Variants in MYO6 observed in about 807,000 individuals in gnomAD.
The protein encoded by MYO6 is myosin VI.
MYO6 carries 74 observed loss-of-function variants against 178.7 expected under a neutral mutation model. That is an observed-to-expected ratio of 0.41 (90% CI 0.34 to 0.50). MYO6 has a LOEUF of 0.50. Ranked by LOEUF, MYO6 falls within the 20% of genes least tolerant of loss-of-function variation. The pLI, the probability that MYO6 is intolerant of heterozygous loss-of-function variation, is 0.09. For missense variants in MYO6, 1,330 were observed against 1,547.4 expected, an observed-to-expected ratio of 0.86 and a Z score of 2.36; for synonymous variants, 477 against 504.6, an observed-to-expected ratio of 0.95 and a Z score of 0.73.
intron 1 of MYO6, among the ~76,000 whole-genome samples, chr6:75,802,271 C>T: frequency 6.6e-6 from 1 of 151,790 alleles, no homozygotes; most frequent in East Asian, 2.0e-4. Flanking sequence ...GAGTTTCAGT[C>T]CAGCCTGGCC....
intron 1 of MYO6, among the ~76,000 whole-genome samples, chr6:75,815,507 A>G (rs1425665025): frequency 6.6e-6 from 1 of 152,214 alleles, no homozygotes; most frequent in East Asian, 1.9e-4. Context: ...ATGGGACTAG[A>G]TATGATTAGG....
intron 18 of MYO6, among the ~76,000 whole-genome samples, chr6:75,869,994 ATC>A (rs959787085): frequency 2.0e-5 from 3 of 151,794 alleles, no homozygotes; most frequent in Non-Finnish European, 4.4e-5. Flanking sequence ...GGCGCCTGTA[ATC>A]CCAGCTACTC....
At chr6:75,763,173 C>G (rs1201696215) in intron 1 of MYO6, among the ~76,000 whole-genome samples, 3 of 151,908 alleles carry the variant, frequency 2.0e-5, no homozygotes. Context: ...ATTACAGGCA[C>G]CTGCCACGCC....
intron 9 of MYO6, among the ~76,000 whole-genome samples, chr6:75,844,121 T>G (rs1366634009): frequency 6.6e-6 from 1 of 152,184 alleles, no homozygotes; most frequent in Non-Finnish European, 1.5e-5. Context: ...TAGTCTACCG[T>G]ATAGCAAATA....
chr6:75,761,624 C>G (rs995178349), intron 1 of MYO6, among the ~76,000 whole-genome samples: 22 of 150,954 alleles, frequency 1.5e-4, no homozygotes, highest in African/African-American at 5.4e-4. Context: ...CACACACACA[C>G]ACAGACACAT....
At chr6:75,872,018 A>G (rs910990932) in intron 19 of MYO6, among the ~76,000 whole-genome samples, 2 of 152,088 alleles carry the variant, frequency 1.3e-5, no homozygotes, top group Admixed American at 6.5e-5. Context: ...AATCCTAGCT[A>G]CTTGGGAGGC....
intron 13 of MYO6, among the ~76,000 whole-genome samples, chr6:75,858,680 C>T (rs1775939386): frequency 6.6e-6 from 1 of 152,128 alleles, no homozygotes. Flanking sequence ...ATTTGAGAAA[C>T]ACCTTATTTG....
At chr6:75,885,961 A>C (rs767667482) in intron 23 of MYO6, 43 bp from the exon 24 acceptor site, 2 of 1,213,030 alleles carry the variant, frequency 1.6e-6, no homozygotes, top group East Asian at 4.9e-5. Flanking sequence ...GTTAGATTTA[A>C]ACTGAATAAT....
chr6:75,858,798 C>T, intron 13 of MYO6, 104 bp from the exon 14 acceptor site: 1 of 720,276 alleles, frequency 1.4e-6, no homozygotes, highest in Non-Finnish European at 2.4e-6. Context: ...ACAAATTTAA[C>T]CTAATTTTAA....
At chr6:75,828,065 T>C (rs1772659957) in intron 3 of MYO6, among the ~76,000 whole-genome samples, 1 of 152,210 alleles carries the variant, frequency 6.6e-6, no homozygotes, top group South Asian at 2.1e-4. Context: ...ATAATTTCTC[T>C]AGGAGTCTTC....
At chr6:75,909,352 C>T (rs1447383289) in intron 32 of MYO6, among the ~76,000 whole-genome samples, 1 of 152,178 alleles carries the variant, frequency 6.6e-6, no homozygotes, top group Non-Finnish European at 1.5e-5. Context: ...CATGCATTGT[C>T]CATTTACACT....
rs538399704 is a variant in MYO6 at position 75,892,709 on chromosome 6, G to T, written c.3107+19G>T. 10 of 1,611,862 alleles carry T rather than the reference G, an allele frequency of 6.2e-6. No homozygotes were observed. In the Admixed American group the frequency reaches 1.0e-4, roughly 16 times the overall value. On this transcript the variant is annotated intron_variant, in intron 28 of 34. Coordinates refer to ENST00000369977, the MANE Select transcript of MYO6 (RefSeq NM_004999.4). ...TGCGGAGGTACTGGGGCCCCTGGGT[G>T]GGGTATAGCGCTCTCTCCTTTGCTT...
rs1321414870 is a variant in MYO6 at position 75,858,919 on chromosome 6, A to G, written c.1399A>G (p.Ser467Gly). ...ATTTTCAGAGTACTTTGAGCATAAC[A>G]GTTTTGAACAATTTTGCATCAACTA... ...IAGFEYFEHN[S>G]FEQFCINYCN... The change falls in exon 14 of 35, where the codon AGT (serine) becomes GGT (glycine). Residue 467 changes from serine (S) to glycine (G), a missense_variant. By Grantham distance (56) the Ser-to-Gly change is moderately conservative (BLOSUM62 0). This residue lies in a region of MYO6 where 613 missense variants were observed against 816.8 expected (regional missense o/e 0.75). Transcript: ENST00000369977. 2 of 1,608,094 alleles carry G rather than the reference A, an allele frequency of 1.2e-6. No individual in the cohort carries two copies. Among genetic ancestry groups the G allele is most frequent in the African/African-American group, 1.3e-5 (1 of 74,844 alleles).
Position 75,914,970 on chromosome 6 carries a change from G to T in MYO6, c.3816G>T (p.Arg1272=). The change falls in exon 35 of 35, where the codon CGG becomes CGT. Residue 1272 remains arginine, a synonymous_variant. Transcript: ENST00000369977. Reference sequence around the variant, plus strand: ...ATGCGATTGAGAGCAGACAGGCTCGGCCCACCTATGCAACAGCCATGCTGC... The same window carrying T: ...ATGCGATTGAGAGCAGACAGGCTCGTCCCACCTATGCAACAGCCATGCTGC... The part of the protein sequence containing the change: ...LQNAIESRQA[R]PTYATAMLQS... 1 of 1,613,746 alleles carries T rather than the reference G, an allele frequency of 6.2e-7. No individual in the cohort carries two copies. The highest frequency in any genetic ancestry group is 1.7e-4 in the Middle Eastern group (1 of 5,886).
At chr6:75,841,158 T>C (rs561937228) in intron 8 of MYO6, 56 bp from the exon 9 acceptor site, 44 of 1,496,940 alleles carry the variant, frequency 2.9e-5, no homozygotes, top group Admixed American at 2.4e-4. Context: ...CATTGGTTAA[T>C]TATATTTTAA....
chr6:75,796,995 C>T (rs946305581), intron 1 of MYO6, among the ~76,000 whole-genome samples: 10 of 152,196 alleles, frequency 6.6e-5, no homozygotes, highest in African/African-American at 2.4e-4. Context: ...TGTTTATGGA[C>T]ACCGAGGTTG....
intron 1 of MYO6, among the ~76,000 whole-genome samples, chr6:75,805,021 A>ATATATTTTTTT (rs1252912172): frequency 2.1e-4 from 16 of 77,284 alleles, no homozygotes; most frequent in East Asian, 1.1e-3. Flanking sequence ...ATATATATAT[A>ATATATTTTTTT]TTTTTTTTTT....
intron 1 of MYO6, among the ~76,000 whole-genome samples, chr6:75,802,859 G>T (rs1010645065): frequency 3.3e-5 from 5 of 152,152 alleles, no homozygotes; most frequent in Middle Eastern, 3.4e-3. Context: ...TAATAAACAA[G>T]ATTAGTCACA....
At position 75,886,931 on chromosome 6, in the gene MYO6, C is replaced by G. The variant is rs150876010; in HGVS notation, c.2595C>G (p.Pro865=). ...EVVSVLKDGK[P]EMNKQIKNLE... is the part of the protein sequence containing the mutation. ...TCAGTGTGTTGAAAGATGGAAAACC[C>G]GAGATGAATAAACAGATCAAGAATC... The change falls in exon 25 of 35, where the codon CCC becomes CCG. Residue 865 remains proline, a synonymous_variant. Coordinates refer to ENST00000369977, the MANE Select transcript of MYO6 (RefSeq NM_004999.4). 1.2e-5 allele frequency: 20 copies of G among 1,613,328 alleles called. No individual in the cohort carries two copies. Among genetic ancestry groups the G allele is most frequent in the Non-Finnish European group, 8.5e-6 (10 of 1,179,710 alleles).
Sources: gnomAD v4.1 joint callset for allele counts (sites outside exome capture counted in the v4.1 genomes callset) on GRCh38, gnomAD v4.1.1 for gene constraint, gnomAD v4.1.1 regional missense constraint, MANE v1.5 for transcripts, NCBI Gene and HGNC (gene_info 2026-07-23, HGNC 2026-07-21) for gene names.